MRTFB: variants seen among roughly 807,000 people sequenced by gnomAD.
The protein encoded by MRTFB is myocardin-related transcription factor B.
MRTFB carries 29 observed loss-of-function variants against 104.2 expected under a neutral mutation model. That is an observed-to-expected ratio of 0.28 (90% confidence interval 0.21 to 0.38). The LOEUF is 0.38. Among genes scored for constraint, MRTFB ranks in the 10% least tolerant of loss-of-function variants. MRTFB has a pLI of 1.00. For missense variants in MRTFB, 1,270 were observed against 1,341.6 expected, an observed-to-expected ratio of 0.95 and a Z score of 0.83; for synonymous variants, 535 against 519.5, an observed-to-expected ratio of 1.03 and a Z score of -0.41.
rs192194619 is a variant in MRTFB at position 14,118,441 on chromosome 16, C to T, written c.-63-22103C>T. Among the ~76,000 whole-genome samples, 172 of 151,850 alleles carry T rather than the reference C, an allele frequency of 1.1e-3. 2 individuals carry two copies. The highest frequency in any genetic ancestry group is 4.1e-3 in the African/African-American group (170 of 41,494). ...ACAGGCGTTAAGCCACTGTGCCAAG[C>T]CTCCCCATCTTCTTTCTGCAGAACC... On this transcript the variant is annotated intron_variant, in intron 2 of 16. Coordinates refer to ENST00000571589, the MANE Select transcript of MRTFB (RefSeq NM_001308142.2).
chr16:14,083,934 A>G (rs1303155494), intron 2 of MRTFB, among the ~76,000 whole-genome samples: 1 of 152,164 alleles, frequency 6.6e-6, no homozygotes, highest in Non-Finnish European at 1.5e-5. Flanking sequence ...TGAGATAACA[A>G]GGTTTCTAAT....
At chr16:14,171,757 A>G (rs934304902) in intron 3 of MRTFB, among the ~76,000 whole-genome samples, 1 of 152,206 alleles carries the variant, frequency 6.6e-6, no homozygotes, top group Non-Finnish European at 1.5e-5. Flanking sequence ...AACCTATTCC[A>G]CTGTGAAAAT....
the MRTFB span, among the ~76,000 whole-genome samples, chr16:14,029,512 T>TAC: frequency 2.3e-4 from 24 of 103,380 alleles, no homozygotes; most frequent in African/African-American, 7.9e-4. Context: ...TACACATATA[T>TAC]ATACACACAC....
intron 8 of MRTFB, among the ~76,000 whole-genome samples, chr16:14,228,553 G>A (rs2042111887): frequency 6.6e-6 from 1 of 150,596 alleles, no homozygotes; most frequent in Admixed American, 6.6e-5. Flanking sequence ...TCCAGCCTGG[G>A]CAACAGAGCT....
intron 8 of MRTFB, among the ~76,000 whole-genome samples, chr16:14,224,226 G>A (rs536811833): frequency 6.6e-6 from 1 of 152,126 alleles, no homozygotes; most frequent in Non-Finnish European, 1.5e-5. Context: ...CCAACACTTG[G>A]GGATTACAAT....
At chr16:14,239,155 G>A (rs1443397722) in intron 9 of MRTFB, among the ~76,000 whole-genome samples, 1 of 151,842 alleles carries the variant, frequency 6.6e-6, no homozygotes, top group Non-Finnish European at 1.5e-5. Context: ...TTTTATACCA[G>A]GGATTTAAGA....
chr16:14,079,395 ATTTC>A (rs765598463), intron 2 of MRTFB, 41 bp downstream of exon 2: 5 of 344,956 alleles, frequency 1.4e-5, no homozygotes, highest in Non-Finnish European at 2.1e-5. Flanking sequence ...AGAAACTGTA[ATTTC>A]TTTCTTTCTT....
In MRTFB at chr16:14,264,694, T is replaced by TA. The variant is rs2043886398; in HGVS notation, c.*3251dup. On this transcript the variant is annotated 3_prime_UTR_variant, in exon 17 of 17. Transcript: ENST00000571589. ...ACACTTTTTGGCTTTCAGTGCTGTT[T>TA]AGAAACAGTGGCAAAGGCAGGGTGG... 1.3e-5 allele frequency: 2 copies of TA among 152,266 alleles called. No individual in the cohort carries two copies. Among genetic ancestry groups the TA allele is most frequent in the South Asian group, 4.1e-4 (2 of 4,826 alleles). The allele number at this position is 152,266 out of a possible 1,614,324, so 9.4% of individuals were successfully genotyped here.
rs2043021966 is a variant in MRTFB at position 14,246,484 on chromosome 16, G to A, written c.1224G>A (p.Leu408=). ...SSLDDLKVSE[L]KTELKLRGLP... is the part of the protein sequence containing the mutation. Reference sequence around the variant, plus strand: ...GTTTGTACCTCCAGGTATCAGAACTGAAGACAGAACTGAAGTTAAGGGGTC... The same window carrying A: ...GTTTGTACCTCCAGGTATCAGAACTAAAGACAGAACTGAAGTTAAGGGGTC... Residue 408 remains leucine (L), a synonymous_variant, in exon 12 of 17, where the codon CTG becomes CTA. Transcript: ENST00000571589. 6.2e-7 allele frequency: 1 copy of A among 1,614,038 alleles called. No homozygotes were observed. Among genetic ancestry groups the A allele is most frequent in the South Asian group, 1.1e-5 (1 of 91,062 alleles).
At chr16:14,036,149 AT>A in the MRTFB span, among the ~76,000 whole-genome samples, 2 of 39,676 alleles carry the variant, frequency 5.0e-5, no homozygotes, top group Non-Finnish European at 5.0e-5. Context: ...TATATATATA[AT>A]ATATATTATA....
At chr16:14,212,448 C>A in intron 5 of MRTFB, 39 bp downstream of exon 5, 2 of 1,575,990 alleles carry the variant, frequency 1.3e-6, no homozygotes, top group Non-Finnish European at 1.7e-6. Context: ...CTTCTCTCTC[C>A]TTCTCTCCTC....
At chr16:14,172,491 A>G (rs1376347791) in intron 3 of MRTFB, among the ~76,000 whole-genome samples, 2 of 152,142 alleles carry the variant, frequency 1.3e-5, no homozygotes, top group Non-Finnish European at 2.9e-5. Flanking sequence ...GCTGCAGTAA[A>G]TAACTTTTGG....
Position 14,139,457 on chromosome 16 carries a change from A to T in MRTFB, c.-63-1087A>T, listed in dbSNP as rs553932325. Among the ~76,000 whole-genome samples the T allele has an allele frequency of 2.1e-4, 32 of 152,340 alleles. No homozygotes were observed. In the East Asian group the frequency reaches 2.3e-3, roughly 11 times the overall value. ...ACTGGAATTCTCATACCCTGCTGGT[A>T]AGAATGTAAAGTGGTACAACCACTT... On this transcript the variant is annotated intron_variant, in intron 2 of 16. Coordinates refer to ENST00000571589, the MANE Select transcript of MRTFB (RefSeq NM_001308142.2).
At chr16:14,071,686 G>A (rs1471942106) in intron 1 of MRTFB, among the ~76,000 whole-genome samples, 1 of 152,124 alleles carries the variant, frequency 6.6e-6, no homozygotes, top group Non-Finnish European at 1.5e-5. Context: ...AGCCTCTGCT[G>A]TGTGCCGGGC....
chr16:14,096,610 A>G (rs956584565), intron 2 of MRTFB, among the ~76,000 whole-genome samples: 10 of 152,206 alleles, frequency 6.6e-5, no homozygotes, highest in Non-Finnish European at 1.2e-4. Context: ...TTGTGGCAAG[A>G]GATGTGGACC....
intron 2 of MRTFB, among the ~76,000 whole-genome samples, chr16:14,100,207 C>CTT (rs76224300): frequency 0.24 from 35,708 of 151,946 alleles, 7,841 homozygotes; most frequent in African/African-American, 0.57. Flanking sequence ...AACACTAAGT[C>CTT]TTATTATTAA....
intron 1 of MRTFB, among the ~76,000 whole-genome samples, chr16:14,074,469 G>A (rs775895674): frequency 1.3e-5 from 2 of 152,146 alleles, no homozygotes; most frequent in African/African-American, 2.4e-5. Flanking sequence ...AGACACAAAT[G>A]TTAACTAGAA....
intron 8 of MRTFB, among the ~76,000 whole-genome samples, chr16:14,233,862 C>A (rs982078937): frequency 6.6e-6 from 1 of 151,452 alleles, no homozygotes; most frequent in Non-Finnish European, 1.5e-5. Context: ...TCTTTCCCTG[C>A]CAATAAAGAG....
chr16:14,023,352 G>A, the MRTFB span, among the ~76,000 whole-genome samples: 1 of 152,056 alleles, frequency 6.6e-6, no homozygotes, highest in Non-Finnish European at 1.5e-5. Context: ...GGCTGAGGTG[G>A]GAGAATCATT....
Sources: allele counts gnomAD v4.1 joint callset (sites outside exome capture counted in the v4.1 genomes callset), GRCh38; gene constraint gnomAD v4.1.1; transcripts MANE v1.5; gene names NCBI Gene and HGNC (gene_info 2026-07-23, HGNC 2026-07-21).